The following GOSR2 variants were observed in gnomAD, a reference collection of about 807,000 sequenced individuals.
GOSR2 encodes 27 kDa Golgi SNARE protein.
In GOSR2, 20 loss-of-function variants were observed where a neutral mutation model predicts 27.9. That is an observed-to-expected ratio of 0.72 (90% CI 0.50 to 1.04). The LOEUF (loss-of-function observed/expected upper bound fraction) is 1.04, where lower values mean the gene tolerates loss of function less well. Among genes scored for constraint, GOSR2 ranks in the 50% least tolerant of loss-of-function variants. The pLI, the probability that GOSR2 is intolerant of heterozygous loss-of-function variation, is 0.00. For missense variants in GOSR2, 261 were observed against 270.5 expected (o/e 0.97, Z 0.25); for synonymous variants, 91 against 98.8 (o/e 0.92, Z 0.47).
At chr17:46,945,738 G>A (rs1037458113), downstream of GOSR2, among the ~76,000 whole-genome samples, 1 of 152,138 alleles carries the variant, frequency 6.6e-6, no homozygotes, top group Non-Finnish European at 1.5e-5. Context: ...TTGTGCCCCA[G>A]GCATGTGCAG....
intron 1 of GOSR2, among the ~76,000 whole-genome samples, chr17:46,928,959 C>A (rs2032480225): frequency 1.3e-5 from 2 of 152,054 alleles, no homozygotes; most frequent in South Asian, 2.1e-4. Context: ...GCAGAGCTGC[C>A]CCTCTTTCTG....
chr17:46,942,785 AG>A (rs2089447481), downstream of GOSR2, among the ~76,000 whole-genome samples: 1 of 152,230 alleles, frequency 6.6e-6, no homozygotes, highest in South Asian at 2.1e-4. Flanking sequence ...AAGCTGAGAA[AG>A]GAAAGTGTCA....
intron 6 of GOSR2, among the ~76,000 whole-genome samples, chr17:46,954,077 C>T (rs370314371): frequency 2.6e-5 from 4 of 151,882 alleles, no homozygotes; most frequent in Admixed American, 6.6e-5. Flanking sequence ...TTGTTGCCAT[C>T]GCTTTTGGTG....
chr17:46,924,710 T>C (rs2086229874), intron 1 of GOSR2, among the ~76,000 whole-genome samples: 2 of 152,216 alleles, frequency 1.3e-5, no homozygotes, highest in Non-Finnish European at 2.9e-5. Context: ...AATTTTCTTT[T>C]ACACTGGGGA....
chr17:46,931,115 C>T lies in GOSR2; in HGVS notation c.111C>T (p.Ile37=), dbSNP rs755662176. The T allele has an allele frequency of 5.1e-5, 82 of 1,595,980 alleles. No individual in the cohort carries two copies. The Middle Eastern group carries it at 1.0e-3, about 20-fold the overall frequency. ...TTTGTACAGTAGTAGAAAACGAAAT[C>T]CAAGCAAGCATAGACCAGATATTCA... ...KQSVHIVENE[I]QASIDQIFSR... is the part of the protein sequence containing the mutation. Residue 37 remains isoleucine, a synonymous_variant, in exon 3 of 6, where the codon ATC becomes ATT. Coordinates refer to ENST00000640051, the MANE Select transcript of GOSR2 (RefSeq NM_004287.5).
rs58438726 is a variant in GOSR2 at position 46,974,987 on chromosome 17, CTTTTTT to C, written c.616-191_616-186del. 2.1e-3 allele frequency among the ~76,000 whole-genome samples: 249 copies of C among 119,056 alleles called. 1 individual carries two copies. The highest frequency in any genetic ancestry group is 7.8e-3 in the African/African-American group (243 of 31,336). 78.1% of individuals were successfully genotyped at this position (119,056 alleles called of 152,430 possible). On this transcript the variant is annotated intron_variant, in intron 6 of 6. Transcript: ENST00000640723. ...CTTTTCAAATATGAATTACTATTTT[CTTTTTT>C]TTTTTTTTTTTTTTTTTTTTATGTC...
chr17:46,951,015 G>A (rs778005140), intron 6 of GOSR2, among the ~76,000 whole-genome samples: 21 of 152,152 alleles, frequency 1.4e-4, no homozygotes, highest in Non-Finnish European at 2.5e-4. Flanking sequence ...TGTGGCCCTC[G>A]CCCCAACTAC....
intron 6 of GOSR2, among the ~76,000 whole-genome samples, chr17:46,960,162 A>G (rs1393804474): frequency 5.3e-5 from 8 of 152,224 alleles, no homozygotes; most frequent in Non-Finnish European, 1.0e-4. Flanking sequence ...AAGCTCAACA[A>G]TAAGAAAACA....
At chr17:46,946,921 G>A (rs1417334375), downstream of GOSR2, among the ~76,000 whole-genome samples, 1 of 152,222 alleles carries the variant, frequency 6.6e-6, no homozygotes, top group Non-Finnish European at 1.5e-5. Flanking sequence ...TGCCAAGCAA[G>A]TGGGGTAGAT....
chr17:46,935,638 G>A (rs1382982855), intron 5 of GOSR2: 2 of 1,005,982 alleles, frequency 2.0e-6, no homozygotes, highest in African/African-American at 1.7e-5. Context: ...TGTTAGGGCT[G>A]CCTGGTTGTT....
chr17:46,972,518 C>T (rs1410341818), intron 6 of GOSR2, among the ~76,000 whole-genome samples: 1 of 152,234 alleles, frequency 6.6e-6, no homozygotes, highest in Non-Finnish European at 1.5e-5. Flanking sequence ...GTTTGTCAGC[C>T]TCCCCAGCTC....
downstream of GOSR2, among the ~76,000 whole-genome samples, chr17:46,944,694 G>A (rs975966731): frequency 4.6e-5 from 7 of 151,904 alleles, no homozygotes; most frequent in African/African-American, 1.7e-4. Context: ...CTGCCTCCTG[G>A]GTTCAAGCGA....
chr17:46,961,316 T>G (rs949847560), intron 6 of GOSR2, among the ~76,000 whole-genome samples: 10 of 152,128 alleles, frequency 6.6e-5, no homozygotes, highest in Non-Finnish European at 1.3e-4. Flanking sequence ...GGCAGGAGGA[T>G]CTCTTGAGGC....
rs148390346 is a variant in GOSR2, at chr17:46,923,250, G to T, written c.29+29G>T. On this transcript the variant is annotated intron_variant, in intron 1 of 5. Coordinates refer to ENST00000640051, the MANE Select transcript of GOSR2 (RefSeq NM_004287.5). ...AGGGCCGGTCGGGGAGCGGGCAGGG[G>T]CTAGACGAGGCGAGGCCAGGTGAGC... 3.4e-5 allele frequency: 53 copies of T among 1,550,886 alleles called. No homozygotes were observed. The East Asian group carries it at 1.2e-3, about 36-fold the overall frequency.
intron 5 of GOSR2, chr17:46,935,449 C>T (rs1448637316): frequency 1.1e-5 from 16 of 1,401,936 alleles, no homozygotes; most frequent in Non-Finnish European, 1.8e-6. Context: ...GTGAGTGCTA[C>T]TACGAGGGGT....
intron 1 of GOSR2, 27 bp downstream of exon 1, chr17:46,923,248 G>C: frequency 6.4e-7 from 1 of 1,550,938 alleles, no homozygotes; most frequent in Non-Finnish European, 8.7e-7. Context: ...GAGCGGGCAG[G>C]GGCTAGACGA....
In GOSR2 at chr17:46,947,698, G is replaced by A. The variant is rs760538787; in HGVS notation, c.583+8994G>A. 2.0e-3 allele frequency among the ~76,000 whole-genome samples: 304 copies of A among 152,234 alleles called. 1 individual carries two copies. Among genetic ancestry groups the A allele is most frequent in the Non-Finnish European group, 3.0e-3 (202 of 68,040 alleles). On this transcript the variant is annotated intron_variant, in intron 6 of 6. Coordinates refer to the GOSR2 transcript ENST00000573224. ...AACCTCAGCGTCCTGTCTGTATAGT[G>A]AGAATAATAATAACTACCTCAAGTG...
intron 6 of GOSR2, among the ~76,000 whole-genome samples, chr17:46,953,205 A>C (rs2090489861): frequency 6.9e-6 from 1 of 144,616 alleles, no homozygotes; most frequent in Non-Finnish European, 1.5e-5. Context: ...CACTCCCCCC[A>C]CCCCACAACA....
chr17:46,923,609 G>A (rs1466952547), intron 1 of GOSR2: 44 of 1,262,590 alleles, frequency 3.5e-5, no homozygotes, highest in Non-Finnish European at 4.4e-5. Context: ...CCGTAGGAGT[G>A]TACTGTTTAA....
Sources: gnomAD v4.1 joint callset for allele counts (sites outside exome capture counted in the v4.1 genomes callset) on GRCh38, gnomAD v4.1.1 for gene constraint, MANE v1.5 for transcripts, NCBI Gene and HGNC (gene_info 2026-07-23, HGNC 2026-07-21) for gene names.